ARHGAP20: variants seen among roughly 807,000 people sequenced by gnomAD.
The protein encoded by ARHGAP20 is Rho GTPase activating protein 20, also known as rho GTPase-activating protein 20.
In ARHGAP20, 34 loss-of-function variants were observed where a neutral mutation model predicts 73.7. The ratio of observed to expected loss-of-function variants is 0.46; its 90% CI spans 0.35 to 0.61. The LOEUF (loss-of-function observed/expected upper bound fraction) is 0.61. Among genes scored for constraint, ARHGAP20 ranks in the 20% least tolerant of loss-of-function variants. ARHGAP20 has a pLI of 0.00. For synonymous variants in ARHGAP20, 523 were observed against 518.2 expected, an observed-to-expected ratio of 1.01 and a Z score of -0.13; for missense variants, 1,314 against 1,420.9, an observed-to-expected ratio of 0.92 and a Z score of 1.21.
At chr11:110,614,177 A>G (rs1171344405) in intron 6 of ARHGAP20, among the ~76,000 whole-genome samples, 1 of 140,936 alleles carries the variant, frequency 7.1e-6, no homozygotes. Flanking sequence ...AAAATTGCTT[A>G]ATAATAATAG....
At chr11:110,650,000 T>C (rs1298246048) in intron 2 of ARHGAP20, among the ~76,000 whole-genome samples, 1 of 152,160 alleles carries the variant, frequency 6.6e-6, no homozygotes, top group East Asian at 1.9e-4. Flanking sequence ...TCTGAGCACA[T>C]AAACTACATG....
chr11:110,682,095 T>C (rs910055997), intron 2 of ARHGAP20, among the ~76,000 whole-genome samples: 1 of 152,170 alleles, frequency 6.6e-6, no homozygotes, highest in Non-Finnish European at 1.5e-5. Flanking sequence ...AGGTCAGACC[T>C]AGAAATATAA....
At chr11:110,638,845 T>G (rs944018310) in intron 2 of ARHGAP20, among the ~76,000 whole-genome samples, 30 of 151,768 alleles carry the variant, frequency 2.0e-4, no homozygotes, top group African/African-American at 7.0e-4. Flanking sequence ...CACTGGGGAC[T>G]GTTGCGGGGT....
chr11:110,629,065 A>G (rs959460808), intron 3 of ARHGAP20, among the ~76,000 whole-genome samples: 2 of 152,196 alleles, frequency 1.3e-5, no homozygotes, highest in African/African-American at 4.8e-5. Context: ...AGGAAAATAC[A>G]TTCTTCCCTA....
rs532719344 is a variant in ARHGAP20 at position 110,712,266 on chromosome 11, G to A, written c.-35C>T. 13 of 1,296,026 alleles carry A rather than the reference G, an allele frequency of 1.0e-5. No individual in the cohort carries two copies. In the African/African-American group the frequency reaches 1.7e-4, roughly 17 times the overall value. The allele number at this position is 1,296,026 out of a possible 1,614,324, so 80.3% of individuals were successfully genotyped here. ...CTTCAAACAAATCCCAGCCCAGGAG[G>A]AGGCTACACGATCATGTCCGCGGGC... is the stretch of plus-strand genomic sequence containing the variant. On this transcript the variant is annotated 5_prime_UTR_variant, in exon 1 of 15. Transcript: ENST00000683387.
At chr11:110,664,880 A>G (rs1212380281) in intron 2 of ARHGAP20, among the ~76,000 whole-genome samples, 1 of 152,168 alleles carries the variant, frequency 6.6e-6, no homozygotes, top group Non-Finnish European at 1.5e-5. Flanking sequence ...GAAGACCTAA[A>G]TAATGGAGAA....
upstream of ARHGAP20, chr11:110,712,610 T>C (rs1294026968): frequency 2.0e-5 from 3 of 152,598 alleles, no homozygotes; most frequent in East Asian, 3.9e-4. Flanking sequence ...TCTCTATATA[T>C]GTTAGCACAC....
At chr11:110,645,970 G>A (rs1005626725) in intron 2 of ARHGAP20, among the ~76,000 whole-genome samples, 1 of 151,970 alleles carries the variant, frequency 6.6e-6, no homozygotes, top group Admixed American at 6.6e-5. Flanking sequence ...CTATTAGAAG[G>A]GGGAGAGAGG....
upstream of ARHGAP20, chr11:110,712,751 C>CCAGA (rs1397575745): frequency 6.5e-6 from 1 of 152,712 alleles, no homozygotes; most frequent in African/African-American, 2.4e-5. Context: ...CCCACTCCCA[C>CCAGA]CAGACCCCAT....
chr11:110,586,111 C>T (rs1431939646), intron 12 of ARHGAP20, 105 bp downstream of exon 12: 2 of 528,482 alleles, frequency 3.8e-6, no homozygotes, highest in African/African-American at 4.0e-5. Flanking sequence ...TATTTTTAAA[C>T]TGGTCCACAT....
chr11:110,623,051 G>T (rs1012696636), intron 4 of ARHGAP20, among the ~76,000 whole-genome samples: 8 of 151,630 alleles, frequency 5.3e-5, no homozygotes, highest in African/African-American at 1.5e-4. Context: ...AATAGGAAAT[G>T]AAAATATCTA....
chr11:110,599,657 C>A, intron 9 of ARHGAP20, among the ~76,000 whole-genome samples: 1 of 152,184 alleles, frequency 6.6e-6, no homozygotes, highest in East Asian at 1.9e-4. Flanking sequence ...TGGGTCTGCC[C>A]ATGGCTGCCC....
chr11:110,645,438 C>T (rs1178795811), intron 2 of ARHGAP20, among the ~76,000 whole-genome samples: 2 of 152,092 alleles, frequency 1.3e-5, no homozygotes, highest in African/African-American at 4.8e-5. Flanking sequence ...CAGCACCAGG[C>T]AGAATGGCTT....
At chr11:110,687,552 G>T (rs183347522) in intron 2 of ARHGAP20, among the ~76,000 whole-genome samples, 9 of 152,184 alleles carry the variant, frequency 5.9e-5, no homozygotes, top group African/African-American at 2.2e-4. Flanking sequence ...AGTGAGTCAG[G>T]TAAGTGTTAG....
chr11:110,606,930 A>G (rs1948246868), intron 8 of ARHGAP20, among the ~76,000 whole-genome samples, 181 bp from the exon 9 acceptor site: 1 of 152,272 alleles, frequency 6.6e-6, no homozygotes, highest in South Asian at 2.1e-4. Flanking sequence ...TGGTCCTACC[A>G]AAGTAGTTTT....
chr11:110,611,397 A>G lies in ARHGAP20; in HGVS notation c.631-11T>C, dbSNP rs1565437647. On this transcript the variant is annotated splice_polypyrimidine_tract_variant and intron_variant, in intron 6 of 14. Coordinates refer to ENST00000683387, the MANE Select transcript of ARHGAP20 (RefSeq NM_001384657.1). ...TGTTATAGTTTTAGACTGTAGAAAA[A>G]AAATAAGAAATATAGCTATAAAATA... The G allele has an allele frequency of 7.3e-7, 1 of 1,360,870 alleles. No homozygotes were observed. The highest frequency in any genetic ancestry group is 1.4e-5 in the South Asian group (1 of 70,128). The allele number at this position is 1,360,870 out of a possible 1,614,324, so 84.3% of individuals were successfully genotyped here.
At chr11:110,611,131 G>A (rs1031787136) in intron 7 of ARHGAP20, among the ~76,000 whole-genome samples, 178 bp downstream of exon 7, 1 of 151,972 alleles carries the variant, frequency 6.6e-6, no homozygotes, top group Non-Finnish European at 1.5e-5. Flanking sequence ...GAGAACAGCA[G>A]CACCCATATA....
chr11:110,598,257 C>T (rs1948022226), intron 9 of ARHGAP20, among the ~76,000 whole-genome samples: 1 of 151,752 alleles, frequency 6.6e-6, no homozygotes, highest in Non-Finnish European at 1.5e-5. Flanking sequence ...ATTTTACCAG[C>T]CACCATAAAA....
intron 12 of ARHGAP20, among the ~76,000 whole-genome samples, chr11:110,585,002 TGA>T (rs1947607447): frequency 8.3e-6 from 1 of 119,952 alleles, no homozygotes; most frequent in Non-Finnish European, 1.9e-5. Flanking sequence ...TATGAATATA[TGA>T]ATATGTATGT....
Sources: allele counts gnomAD v4.1 joint callset (sites outside exome capture counted in the v4.1 genomes callset), GRCh38; gene constraint gnomAD v4.1.1; transcripts MANE v1.5; gene names NCBI Gene and HGNC (gene_info 2026-07-23, HGNC 2026-07-21).